The following RPS6KC1 variants were observed in gnomAD, a reference collection of about 807,000 sequenced individuals.
The protein encoded by RPS6KC1 is ribosomal protein S6 kinase C1.
Under a neutral mutation model 103.8 loss-of-function variants are expected in RPS6KC1, and 54 were observed. That is an observed-to-expected ratio of 0.52 (90% CI 0.42 to 0.65). RPS6KC1 has a LOEUF of 0.65. Ranked by LOEUF, RPS6KC1 falls within the 30% of genes least tolerant of loss-of-function variation. RPS6KC1 has a pLI of 0.00. For synonymous variants in RPS6KC1, 439 were observed against 438.7 expected (o/e 1.00, Z -0.01); for missense variants, 1,151 against 1,253.8 (o/e 0.92, Z 1.24).
chr1:213,604,350 AG>A, the RPS6KC1 span, among the ~76,000 whole-genome samples: 1 of 152,250 alleles, frequency 6.6e-6, no homozygotes, highest in Admixed American at 6.5e-5. Context: ...CATGCTGCAC[AG>A]TATTCCTCAG....
chr1:213,344,063 C>T, the RPS6KC1 span, among the ~76,000 whole-genome samples: 1 of 151,998 alleles, frequency 6.6e-6, no homozygotes, highest in Non-Finnish European at 1.5e-5. Flanking sequence ...CATAGCTTTT[C>T]TAAACAAAAT....
chr1:213,841,945 A>C, the RPS6KC1 span: 1 of 152,196 alleles, frequency 6.6e-6, no homozygotes, highest in South Asian at 2.1e-4. Context: ...GCTCAAGACA[A>C]CCTGGACCAG....
chr1:213,200,444 G>T (rs2093120828), intron 8 of RPS6KC1, among the ~76,000 whole-genome samples: 1 of 152,124 alleles, frequency 6.6e-6, no homozygotes. Flanking sequence ...GCAGAAGACA[G>T]AAACTAGACT....
chr1:213,094,551 G>T (rs926316348), intron 3 of RPS6KC1, among the ~76,000 whole-genome samples: 3 of 152,026 alleles, frequency 2.0e-5, no homozygotes, highest in Admixed American at 6.6e-5. Context: ...GTTTTCTCAT[G>T]AATAGATCAT....
chr1:213,439,406 A>T, the RPS6KC1 span, among the ~76,000 whole-genome samples: 1 of 151,716 alleles, frequency 6.6e-6, no homozygotes, highest in East Asian at 1.9e-4. Context: ...TTTCTTGCTA[A>T]GAGTTGCTTA....
chr1:213,496,599 A>T, the RPS6KC1 span, among the ~76,000 whole-genome samples: 1 of 152,142 alleles, frequency 6.6e-6, no homozygotes, highest in Non-Finnish European at 1.5e-5. Flanking sequence ...CTCTACTAAA[A>T]ATACAAAAAT....
chr1:213,670,400 G>A, the RPS6KC1 span, among the ~76,000 whole-genome samples: 1 of 152,218 alleles, frequency 6.6e-6, no homozygotes, highest in Non-Finnish European at 1.5e-5. Flanking sequence ...GTAGGGGGAA[G>A]AGCAGCTCCA....
chr1:213,339,128 G>GT, the RPS6KC1 span, among the ~76,000 whole-genome samples: 1 of 152,136 alleles, frequency 6.6e-6, no homozygotes, highest in Admixed American at 6.5e-5. Flanking sequence ...GCCAGATGTG[G>GT]TGGCGCATGC....
In RPS6KC1 at chr1:213,161,635, A is replaced by G. The variant is rs577524186; in HGVS notation, c.836-6223A>G. On this transcript the variant is annotated intron_variant, in intron 6 of 14. Transcript: ENST00000366960. ...TGCACCTGCCCTCATTCTTTGAATCATTTAAATATGGAGATATATCTGTTT... is the reference window on the plus strand; with the variant it reads ...TGCACCTGCCCTCATTCTTTGAATCGTTTAAATATGGAGATATATCTGTTT... Among the ~76,000 whole-genome samples, 5 of 152,342 alleles carry G rather than the reference A, an allele frequency of 3.3e-5. No individual in the cohort carries two copies. The South Asian group carries it at 1.0e-3, about 32-fold the overall frequency.
the RPS6KC1 span, among the ~76,000 whole-genome samples, chr1:213,567,334 A>G: frequency 6.6e-6 from 1 of 151,882 alleles, no homozygotes; most frequent in Non-Finnish European, 1.5e-5. Flanking sequence ...TACTGGGGGG[A>G]AATGGGATGT....
chr1:213,399,141 A>G, the RPS6KC1 span, among the ~76,000 whole-genome samples: 1 of 152,368 alleles, frequency 6.6e-6, no homozygotes, highest in African/African-American at 2.4e-5. Flanking sequence ...TCCAAGAAAT[A>G]TTACTGAGTA....
the RPS6KC1 span, among the ~76,000 whole-genome samples, chr1:213,780,079 A>G: frequency 1.3e-5 from 2 of 152,316 alleles, no homozygotes; most frequent in East Asian, 3.9e-4. Flanking sequence ...AAATTTACTA[A>G]CTAATGTTAA....
the RPS6KC1 span, among the ~76,000 whole-genome samples, chr1:213,570,914 T>C: frequency 6.6e-6 from 1 of 152,234 alleles, no homozygotes; most frequent in South Asian, 2.1e-4. Flanking sequence ...AAAGATGCTA[T>C]GAAATATCTC....
chr1:213,218,013 G>C (rs1279375387), intron 8 of RPS6KC1, among the ~76,000 whole-genome samples: 1 of 152,172 alleles, frequency 6.6e-6, no homozygotes, highest in African/African-American at 2.4e-5. Context: ...TTGTTGAATA[G>C]TTCTGGCCAA....
chr1:213,284,465 T>G, the RPS6KC1 span, among the ~76,000 whole-genome samples: 1 of 151,626 alleles, frequency 6.6e-6, no homozygotes, highest in African/African-American at 2.4e-5. Context: ...AACTAAGATC[T>G]TGCCACTGCA....
intron 8 of RPS6KC1, among the ~76,000 whole-genome samples, chr1:213,199,201 T>G (rs1252533746): frequency 6.6e-6 from 1 of 152,174 alleles, no homozygotes; most frequent in Non-Finnish European, 1.5e-5. Context: ...AAAGGAAAAC[T>G]TCAGGCCATT....
chr1:213,070,649 C>T (rs1244400663), intron 1 of RPS6KC1, among the ~76,000 whole-genome samples: 1 of 152,174 alleles, frequency 6.6e-6, no homozygotes, highest in Non-Finnish European at 1.5e-5. Context: ...CTTATTTGAA[C>T]ACTGTTTGAA....
the RPS6KC1 span, among the ~76,000 whole-genome samples, chr1:213,428,492 T>TCCCTC: frequency 1.6e-5 from 1 of 62,288 alleles, no homozygotes; most frequent in African/African-American, 6.4e-5. Context: ...CTTCCTTCCT[T>TCCCTC]CCTTCCTTCC....
At chr1:213,859,887 T>C in the RPS6KC1 span, among the ~76,000 whole-genome samples, 1 of 152,176 alleles carries the variant, frequency 6.6e-6, no homozygotes, top group Non-Finnish European at 1.5e-5. Context: ...TATGCTTACA[T>C]TGAATCTGTT....
Sources: gnomAD v4.1 joint callset for allele counts (sites outside exome capture counted in the v4.1 genomes callset) on GRCh38, gnomAD v4.1.1 for gene constraint, MANE v1.5 for transcripts, NCBI Gene and HGNC (gene_info 2026-07-23, HGNC 2026-07-21) for gene names.